Variants in OGA observed in about 807,000 individuals in gnomAD.
OGA encodes protein O-GlcNAcase.
Under a neutral mutation model 102.0 loss-of-function variants are expected in OGA, and 21 were observed. That is an observed-to-expected ratio of 0.21 (90% confidence interval 0.15 to 0.30). OGA has a LOEUF of 0.30. Among genes scored for constraint, OGA ranks in the 10% least tolerant of loss-of-function variants. The pLI is 1.00. For missense variants in OGA, 765 were observed against 1,107.8 expected (o/e 0.69, Z 4.39); for synonymous variants, 408 against 378.2 (o/e 1.08, Z -0.91).
rs2065672208 is a variant in OGA, at chr10:101,818,412, G to A, written c.-390C>T. The A allele has an allele frequency of 9.8e-6, 10 of 1,018,388 alleles. No homozygotes were observed. Among genetic ancestry groups the A allele is most frequent in the South Asian group, 4.1e-5 (1 of 24,652 alleles). The allele number at this position is 1,018,388 out of a possible 1,614,324, so 63.1% of individuals were successfully genotyped here. On this transcript the variant is annotated 5_prime_UTR_variant, in exon 1 of 16. Coordinates refer to ENST00000361464, the MANE Select transcript of OGA (RefSeq NM_012215.5). The stretch of plus-strand genomic sequence containing the variant: ...CCAAGCCCCGAGCTCTCCCTCTGCT[G>A]CTGCCTCCACCGCCCGCTTCCTGTT...
At chr10:101,809,857 C>T (rs1020536122) in intron 4 of OGA, among the ~76,000 whole-genome samples, 3 of 151,864 alleles carry the variant, frequency 2.0e-5, no homozygotes, top group Admixed American at 6.6e-5. Context: ...GCCTGGCTGG[C>T]ATGGTGAAGG....
At position 101,786,510 on chromosome 10, in the gene OGA, C is replaced by T; in HGVS notation, c.2692G>A (p.Glu898Lys). The T allele has an allele frequency of 6.2e-7, 1 of 1,612,298 alleles. No homozygotes were observed. The highest frequency in any genetic ancestry group is 8.5e-7 in the Non-Finnish European group (1 of 1,179,308). ...LEFYSKLGCF[E>K]IAKMEGFPKD... ...GGAAATCCTTCCATTTTTGCAATTT[C>T]AAAACATCCTAACTTGCTGTAAAAT... Residue 898 changes from glutamate (E) to lysine (K), a missense_variant, in exon 16 of 16, where the codon GAA (glutamate) becomes AAA (lysine). By Grantham distance (56) the Glu-to-Lys change is moderately conservative. Around this residue, in one of 7 missense-constraint regions of OGA, gnomAD observed 146 missense variants for 269.7 expected, o/e 0.54. Coordinates refer to ENST00000361464, the MANE Select transcript of OGA (RefSeq NM_012215.5).
Position 101,787,232 on chromosome 10 carries a change from C to G in OGA, c.2614+132G>C. ...TGCGATTCTTCACCACTAATTAATT[C>G]AGAAACCAAATCATAAAAGGTGGGA... On this transcript the variant is annotated intron_variant, in intron 15 of 15. Transcript: ENST00000361464. 3 of 1,025,348 alleles carry G rather than the reference C, an allele frequency of 2.9e-6. No individual in the cohort carries two copies. In the South Asian group the frequency reaches 6.0e-5, roughly 21 times the overall value. 63.5% of individuals were successfully genotyped at this position (1,025,348 alleles called of 1,614,324 possible). A position where few individuals can be genotyped will look rare whatever the true frequency, so the allele number is the denominator to read the frequency against.
chr10:101,813,691 T>C, intron 1 of OGA, 85 bp from the exon 2 acceptor site: 1 of 739,522 alleles, frequency 1.4e-6, no homozygotes, highest in Non-Finnish European at 2.2e-6. Context: ...AAACATATAA[T>C]ACAATCCTAT....
intron 6 of OGA, among the ~76,000 whole-genome samples, chr10:101,804,251 T>C (rs2065436880): frequency 6.6e-6 from 1 of 151,666 alleles, no homozygotes; most frequent in African/African-American, 2.4e-5. Flanking sequence ...ATATAACTTT[T>C]TATTGTTTTC....
rs757918827 is a variant in OGA, at chr10:101,798,135, C to T, written c.1829G>A (p.Arg610Gln). The T allele has an allele frequency of 1.9e-6, 3 of 1,613,980 alleles. No individual in the cohort carries two copies. Among genetic ancestry groups the T allele is most frequent in the South Asian group, 1.1e-5 (1 of 91,040 alleles). Residue 610 changes from arginine (R) to glutamine (Q), a missense_variant, in exon 10 of 16, where the codon CGA becomes CAA. Arg to Gln is a conservative substitution (Grantham distance 43). Around this residue, in one of 7 missense-constraint regions of OGA, gnomAD observed 281 missense variants for 345.8 expected, o/e 0.81. Coordinates refer to ENST00000361464, the MANE Select transcript of OGA (RefSeq NM_012215.5). ...ACACATCTCTTCAAACTTGGCTGCT[C>T]GTGACCGCCATTCTTCAATCTATTG... ...DSEKIEEWRSRAAKFEEMCGL... is the reference protein window; with the variant it reads ...DSEKIEEWRSQAAKFEEMCGL...
intron 8 of OGA, among the ~76,000 whole-genome samples, chr10:101,799,994 T>C (rs990922229): frequency 1.3e-5 from 2 of 152,122 alleles, no homozygotes; most frequent in South Asian, 2.1e-4. Context: ...TGCCTCAGCC[T>C]CCCAAGTAGG....
Position 101,815,961 on chromosome 10 carries a change from G to GAAAAAAAAAAAAAAAAAAAAAAAAAAA in OGA, c.199+1862_199+1863insTTTTTTTTTTTTTTTTTTTTTTTTTTT, listed in dbSNP as rs1185344174. 1.7e-4 allele frequency among the ~76,000 whole-genome samples: 4 copies of GAAAAAAAAAAAAAAAAAAAAAAAAAAA among 23,790 alleles called. 1 individual carries two copies. Among genetic ancestry groups the GAAAAAAAAAAAAAAAAAAAAAAAAAAA allele is most frequent in the African/African-American group, 6.7e-4 (3 of 4,504 alleles). The allele number at this position is 23,790 out of a possible 152,430, so 15.6% of individuals were successfully genotyped here. ...TGCCAACCAAGAGGTATCAAAAAGA[G>GAAAAAAAAAAAAAAAAAAAAAAAAAAA]AGAAAAAAAAAAAAAAAAAAAAAAA... On this transcript the variant is annotated intron_variant, in intron 1 of 15. Coordinates refer to ENST00000361464, the MANE Select transcript of OGA (RefSeq NM_012215.5).
chr10:101,794,879 A>C (rs1007607994), intron 10 of OGA, among the ~76,000 whole-genome samples: 1 of 152,214 alleles, frequency 6.6e-6, no homozygotes, highest in Non-Finnish European at 1.5e-5. Context: ...AAAGCAGCGC[A>C]ATATAGTTCT....
chr10:101,787,026 C>T (rs975338239), intron 15 of OGA, among the ~76,000 whole-genome samples: 22 of 151,614 alleles, frequency 1.5e-4, no homozygotes, highest in Non-Finnish European at 2.9e-4. Context: ...CGTGAGCCAC[C>T]GTGCCCGGCC....
intron 2 of OGA, 130 bp downstream of exon 2, chr10:101,813,425 G>T: frequency 1.6e-6 from 1 of 643,112 alleles, no homozygotes; most frequent in Non-Finnish European, 2.6e-6. Context: ...AGGGACCAAG[G>T]TAAAATAACT....
At position 101,817,950 on chromosome 10, in the gene OGA, C is replaced by G. The variant is rs768803840; in HGVS notation, c.73G>C (p.Ala25Pro). 7.5e-6 allele frequency: 12 copies of G among 1,599,120 alleles called. No homozygotes were observed. In the Admixed American group the frequency reaches 1.7e-4, roughly 23 times the overall value. ...GCCGGCGGCTCCAGCGATGCCCCCG[C>G]AGAGGCGGCAGGGTTGGAGCTGAGC... ...SELSSNPAASAGASLEPPAAP... is the reference protein window; with the variant it reads ...SELSSNPAASPGASLEPPAAP... The change falls in exon 1 of 16, where the codon GCG becomes CCG. Residue 25 changes from alanine to proline, a missense_variant. By Grantham distance (27) the Ala-to-Pro change is conservative. Coordinates refer to ENST00000361464, the MANE Select transcript of OGA (RefSeq NM_012215.5).
intron 7 of OGA, 29 bp downstream of exon 7, chr10:101,803,706 A>C (rs747930275): frequency 6.3e-7 from 1 of 1,588,032 alleles, no homozygotes; most frequent in East Asian, 2.2e-5. Context: ...TCTCCTCCCA[A>C]GGTGAAAGAT....
rs756269529 is a variant in OGA at position 101,792,834 on chromosome 10, A to G, written c.2175+5T>C. 3 of 1,577,564 alleles carry G rather than the reference A, an allele frequency of 1.9e-6. No homozygotes were observed. Among genetic ancestry groups the G allele is most frequent in the Admixed American group, 1.7e-5 (1 of 59,928 alleles). On this transcript the variant is annotated splice_donor_5th_base_variant and intron_variant, in intron 12 of 15. Transcript: ENST00000361464. ...CACCAAGTTGGTAGGTAGAGAGACA[A>G]TTACCTCATCCTTAGGAAAATAAGG...
chr10:101,804,039 T>G lies in OGA; in HGVS notation c.752-20A>C. 6.3e-7 allele frequency: 1 copy of G among 1,595,056 alleles called. No individual in the cohort carries two copies. The highest frequency in any genetic ancestry group is 8.6e-7 in the Non-Finnish European group (1 of 1,169,280). On this transcript the variant is annotated intron_variant, in intron 6 of 15. Transcript: ENST00000361464. ...TGGGACCTAGAAATAACGACAACCG[T>G]TCGTTAAAAGAATCATGGTTCTTGG...
chr10:101,807,436 T>C (rs1001960052), intron 5 of OGA, among the ~76,000 whole-genome samples: 1 of 152,134 alleles, frequency 6.6e-6, no homozygotes. Context: ...GCAATGTAAT[T>C]TGGTTTTTCT....
In OGA at chr10:101,803,742, T is replaced by C. The variant is rs1255532784; in HGVS notation, c.1029A>G (p.Val343=). The C allele has an allele frequency of 6.2e-7, 1 of 1,613,908 alleles. No individual in the cohort carries two copies. Residue 343 remains valine, a synonymous_variant, in exon 7 of 16, where the codon GTA becomes GTG. Coordinates refer to ENST00000361464, the MANE Select transcript of OGA (RefSeq NM_012215.5). ...CAAGTACAGGCTACTTACTCATCAC[T>C]ACATCTTTTCTCACTCCATTCATGT... ...KSNMNGVRKD[V]VMTDSEDSTV...
Position 101,786,436 on chromosome 10 carries a change from C to A in OGA, c.*15G>T, listed in dbSNP as rs746513290. ...AGTTAAGAGACTTTTGGACAGTTCA[C>A]AGTGTCAACAAATGTCACAGGCTCC... On this transcript the variant is annotated 3_prime_UTR_variant, in exon 16 of 16. Transcript: ENST00000361464. 7.3e-5 allele frequency: 117 copies of A among 1,599,010 alleles called. No homozygotes were observed. Among genetic ancestry groups the A allele is most frequent in the Non-Finnish European group, 9.1e-5 (107 of 1,174,034 alleles).
chr10:101,788,686 G>A (rs2135025724), intron 14 of OGA, among the ~76,000 whole-genome samples: 1 of 149,986 alleles, frequency 6.7e-6, no homozygotes, highest in East Asian at 2.0e-4. Flanking sequence ...AGTGAGCCGA[G>A]ATCGCACCAT....
Sources: gnomAD v4.1 joint callset for allele counts (sites outside exome capture counted in the v4.1 genomes callset) on GRCh38, gnomAD v4.1.1 for gene constraint, gnomAD v4.1.1 regional missense constraint, MANE v1.5 for transcripts, NCBI Gene and HGNC (gene_info 2026-07-23, HGNC 2026-07-21) for gene names.